Variants in PREX1 observed in about 807,000 individuals in gnomAD.
The protein encoded by PREX1 is phosphatidylinositol 3,4,5-trisphosphate-dependent Rac exchanger 1 protein.
In PREX1, 41 loss-of-function variants were observed where a neutral mutation model predicts 198.3. That is an observed-to-expected ratio of 0.21 (90% CI 0.16 to 0.27). The LOEUF (loss-of-function observed/expected upper bound fraction) is 0.27. PREX1 is among the 10% of genes least tolerant of loss of function. The pLI is 1.00. For missense variants in PREX1, 1,620 were observed against 2,200.7 expected (o/e 0.74, Z 5.28); for synonymous variants, 843 against 887.2 (o/e 0.95, Z 0.89).
At chr20:48,784,474 T>C (rs1162914313) in intron 1 of PREX1, among the ~76,000 whole-genome samples, 1 of 152,200 alleles carries the variant, frequency 6.6e-6, no homozygotes, top group Non-Finnish European at 1.5e-5. Flanking sequence ...ATCTAGACTC[T>C]ACCCCCGCCA....
Position 48,629,622 on chromosome 20 carries a change from C to A in PREX1, c.4594-1G>T, listed in dbSNP as rs2089298347. The A allele has an allele frequency of 6.2e-7, 1 of 1,613,746 alleles. No homozygotes were observed. The highest frequency in any genetic ancestry group is 8.5e-7 in the Non-Finnish European group (1 of 1,179,864). On this transcript the variant is annotated splice_acceptor_variant, in intron 36 of 39. Coordinates refer to ENST00000371941, the MANE Select transcript of PREX1 (RefSeq NM_020820.4). LOFTEE classifies it high-confidence loss of function. ...CCAGGGCATTGATGGGGCGGATCAGCTGTAGGGGGTACCACACATAACCGG... is the reference window on the plus strand; with the variant it reads ...CCAGGGCATTGATGGGGCGGATCAGATGTAGGGGGTACCACACATAACCGG...
At chr20:48,835,543 G>A in the PREX1 span, among the ~76,000 whole-genome samples, 1 of 152,210 alleles carries the variant, frequency 6.6e-6, no homozygotes, top group South Asian at 2.1e-4. Flanking sequence ...TGACATTTAA[G>A]CAAAGAACTG....
At chr20:48,797,440 C>CT (rs894392381) in intron 1 of PREX1, among the ~76,000 whole-genome samples, 13 of 151,796 alleles carry the variant, frequency 8.6e-5, no homozygotes, top group South Asian at 6.3e-4. Flanking sequence ...ACAATATCCC[C>CT]TTTTACCACC....
chr20:48,785,923 G>T (rs2090310009), intron 1 of PREX1, among the ~76,000 whole-genome samples: 3 of 152,238 alleles, frequency 2.0e-5, no homozygotes. Context: ...CAACACAGCA[G>T]CAGGCAAAGC....
chr20:48,781,194 G>C (rs1353536192), intron 1 of PREX1, among the ~76,000 whole-genome samples: 1 of 152,094 alleles, frequency 6.6e-6, no homozygotes, highest in Non-Finnish European at 1.5e-5. Context: ...AACGTTTGTA[G>C]GGAAACTAAC....
chr20:48,827,564 C>G lies in PREX1; in HGVS notation c.219+78G>C, dbSNP rs916361782. 1.9e-6 allele frequency: 2 copies of G among 1,077,470 alleles called. No homozygotes were observed. The highest frequency in any genetic ancestry group is 3.4e-5 in the African/African-American group (2 of 59,466). 66.7% of individuals were successfully genotyped at this position (1,077,470 alleles called of 1,614,324 possible). On this transcript the variant is annotated intron_variant, in intron 1 of 39. Transcript: ENST00000371941. The surrounding 1 kb of genome is among the most constrained non-coding windows in gnomAD (Gnocchi z 4.1). Reference sequence around the variant, plus strand: ...GGCAATTCTCCACCCACGGGGACCACGGCCACAGGTTGTGGGGACCGCAGC... The same window carrying G: ...GGCAATTCTCCACCCACGGGGACCAGGGCCACAGGTTGTGGGGACCGCAGC...
At chr20:48,725,198 C>A (rs1568840551) in intron 5 of PREX1, among the ~76,000 whole-genome samples, 2 of 152,228 alleles carry the variant, frequency 1.3e-5, no homozygotes, top group Admixed American at 6.5e-5. Context: ...CAAAAATACA[C>A]AAACCCCTGT....
Position 48,636,652 on chromosome 20 carries a change from G to T in PREX1, c.3978C>A (p.Ile1326=), listed in dbSNP as rs776118001. 1.2e-6 allele frequency: 2 copies of T among 1,610,280 alleles called. No individual in the cohort carries two copies. The highest frequency in any genetic ancestry group is 4.5e-5 in the East Asian group (2 of 44,820). Residue 1326 remains isoleucine, a synonymous_variant, in exon 32 of 40, where the codon ATC becomes ATA. Transcript: ENST00000371941. Reference sequence around the variant, plus strand: ...CGGCGGCCACCAGGGCCTGGCAGAAGATCGCGTCTCTGCGCAGCTGCAGCT... The same window carrying T: ...CGGCGGCCACCAGGGCCTGGCAGAATATCGCGTCTCTGCGCAGCTGCAGCT... ...DTELQLRRDA[I]FCQALVAAVC... is the part of the protein sequence containing the mutation.
intron 1 of PREX1, among the ~76,000 whole-genome samples, chr20:48,775,174 T>C (rs535326834): frequency 1.3e-5 from 2 of 152,282 alleles, no homozygotes; most frequent in African/African-American, 4.8e-5. Context: ...GGCACTGCTG[T>C]AGGCCCTGGG....
chr20:48,656,533 C>T (rs1332272291), intron 18 of PREX1: 2 of 456,724 alleles, frequency 4.4e-6, no homozygotes, highest in Admixed American at 2.3e-5. Flanking sequence ...CACGGTCCCA[C>T]TTCAGGGCCT....
rs2089395245 is a variant in PREX1, at chr20:48,639,846, T to G, written c.3824A>C (p.Gln1275Pro). 3.1e-6 allele frequency: 5 copies of G among 1,614,100 alleles called. No individual in the cohort carries two copies. The highest frequency in any genetic ancestry group is 4.2e-6 in the Non-Finnish European group (5 of 1,179,978). ...ECTIRGRSLI[Q>P]ISIQEDPWNL... The stretch of plus-strand genomic sequence containing the variant: ...CCAGGGGTCCTCCTGGATGCTAATC[T>G]GGATCAGGCTCCGGCCACGGATTGT... The change falls in exon 30 of 40, where the codon CAG becomes CCG. Residue 1275 changes from glutamine (Q) to proline (P), a missense_variant. Physicochemically the swap from Gln to Pro is moderately conservative, Grantham distance 76. Around this residue, in one of 7 missense-constraint regions of PREX1, gnomAD observed 476 missense variants for 603.4 expected, o/e 0.79. Transcript: ENST00000371941.
chr20:48,830,328 A>C (rs151234938), upstream of PREX1, among the ~76,000 whole-genome samples: 1 of 152,180 alleles, frequency 6.6e-6, no homozygotes, highest in Admixed American at 6.5e-5. Context: ...ACACCACTGC[A>C]CTCCAACCTG....
chr20:48,671,280 A>T (rs2089673450), intron 14 of PREX1, among the ~76,000 whole-genome samples: 1 of 152,250 alleles, frequency 6.6e-6, no homozygotes, highest in African/African-American at 2.4e-5. Flanking sequence ...GTTCTCCAAC[A>T]GGACAGCCTT....
chr20:48,803,714 G>A (rs982383485), intron 1 of PREX1, among the ~76,000 whole-genome samples: 6 of 152,006 alleles, frequency 3.9e-5, no homozygotes, highest in African/African-American at 1.5e-4. Flanking sequence ...TGGGGCAGCC[G>A]GCACCTCACC....
intron 15 of PREX1, 57 bp from the exon 16 acceptor site, chr20:48,660,118 T>C (rs2089579292): frequency 6.2e-7 from 1 of 1,600,288 alleles, no homozygotes; most frequent in African/African-American, 1.3e-5. Context: ...GTTTCAGCCA[T>C]GTTTGCCAAC....
intron 5 of PREX1, among the ~76,000 whole-genome samples, chr20:48,720,031 C>G (rs2089978499): frequency 6.6e-6 from 1 of 152,196 alleles, no homozygotes; most frequent in Non-Finnish European, 1.5e-5. Flanking sequence ...GTCACCCTGG[C>G]CTCCTCACTG....
At chr20:48,886,932 C>A in the PREX1 span, among the ~76,000 whole-genome samples, 1 of 152,304 alleles carries the variant, frequency 6.6e-6, no homozygotes. Context: ...CTTCCATGTA[C>A]ACAGTACTTT....
chr20:48,678,267 G>A (rs1390349302), intron 13 of PREX1, among the ~76,000 whole-genome samples: 3 of 151,616 alleles, frequency 2.0e-5, no homozygotes, highest in Non-Finnish European at 2.9e-5. Context: ...CCAAGATTGC[G>A]CCACTGCACT....
intron 2 of PREX1, among the ~76,000 whole-genome samples, chr20:48,745,515 T>C (rs1039966593): frequency 5.9e-5 from 9 of 152,222 alleles, no homozygotes; most frequent in African/African-American, 2.4e-5. Flanking sequence ...CCACATTTAG[T>C]ATGCAGACAT....
Sources: gnomAD v4.1 joint callset for allele counts (sites outside exome capture counted in the v4.1 genomes callset) on GRCh38, gnomAD v4.1.1 for gene constraint, gnomAD v4.1.1 regional missense constraint, Gnocchi (gnomAD v3.1) non-coding constraint, MANE v1.5 for transcripts, NCBI Gene and HGNC (gene_info 2026-07-23, HGNC 2026-07-21) for gene names.